HCN1: variants seen among roughly 807,000 people sequenced by gnomAD.
HCN1 encodes hyperpolarization activated cyclic nucleotide gated potassium channel 1, also known as potassium/sodium hyperpolarization-activated cyclic nucleotide-gated channel 1.
HCN1 carries 13 observed loss-of-function variants against 78.9 expected under a neutral mutation model. The ratio of observed to expected loss-of-function variants is 0.16; its 90% CI spans 0.11 to 0.26. The LOEUF is 0.26. Ranked by LOEUF, HCN1 falls within the 10% of genes least tolerant of loss-of-function variation. The pLI, the probability that HCN1 is intolerant of heterozygous loss-of-function variation, is 1.00. For missense variants in HCN1, 810 were observed against 1,154.3 expected, an observed-to-expected ratio of 0.70 and a Z score of 4.32; for synonymous variants, 552 against 455.5, an observed-to-expected ratio of 1.21 and a Z score of -2.70.
chr5:45,682,270 T>C (rs914410576), intron 1 of HCN1, among the ~76,000 whole-genome samples: 10 of 116,930 alleles, frequency 8.6e-5, no homozygotes, highest in African/African-American at 2.5e-4. Flanking sequence ...TATATATATA[T>C]ACATATATAT....
In HCN1 at chr5:45,577,453, C is replaced by G. The variant is rs185801673; in HGVS notation, c.849+67732G>C. ...ACATAAAACTAGTTTCACAAATTAT[C>G]ATGTATTCAATTTGAAAAGCATCTT... On this transcript the variant is annotated intron_variant, in intron 2 of 7. Transcript: ENST00000303230. Among the ~76,000 whole-genome samples, 42 of 152,118 alleles carry G rather than the reference C, an allele frequency of 2.8e-4. No homozygotes were observed. In the East Asian group the frequency reaches 5.8e-3, roughly 21 times the overall value.
rs188888561 is a variant in HCN1, at chr5:45,426,408, T to A, written c.1012-29698A>T. ...CAAATCTCACCTTGAATTGTAATAG[T>A]CCCCACATGTCATGGGAGGGACCTG... On this transcript the variant is annotated intron_variant, in intron 3 of 7. Transcript: ENST00000303230. Among the ~76,000 whole-genome samples, 276 of 152,286 alleles carry A rather than the reference T, an allele frequency of 1.8e-3. 1 individual carries two copies. The highest frequency in any genetic ancestry group is 6.4e-3 in the African/African-American group (265 of 41,552).
chr5:45,623,829 C>A, intron 2 of HCN1, among the ~76,000 whole-genome samples: 1 of 152,210 alleles, frequency 6.6e-6, no homozygotes, highest in East Asian at 1.9e-4. Context: ...AAATAGAACA[C>A]AGCAGGATGG....
At chr5:45,583,125 G>A (rs1293255725) in intron 2 of HCN1, among the ~76,000 whole-genome samples, 1 of 151,988 alleles carries the variant, frequency 6.6e-6, no homozygotes. Flanking sequence ...TGTACCTCTG[G>A]TAGAATTTGG....
In HCN1 at chr5:45,262,600, G is replaced by A; in HGVS notation, c.1994C>T (p.Pro665Leu). Residue 665 changes from proline (P) to leucine (L), a missense_variant, in exon 8 of 8, where the codon CCA becomes CTA. Pro to Leu is a moderately conservative substitution (Grantham distance 98, BLOSUM62 -3). Around this residue, in one of 6 missense-constraint regions of HCN1, gnomAD observed 398 missense variants for 381.3 expected, o/e 1.04. Coordinates refer to ENST00000303230, the MANE Select transcript of HCN1 (RefSeq NM_021072.4). The part of the protein sequence containing the change: ...TPTSRMRTQS[P>L]PVYTATSLSH... ...CAGGCTGGTCGCTGTGTACACCGGT[G>A]GAGATTGTGTCCTCATGCGGGAGGT... 6.2e-7 allele frequency: 1 copy of A among 1,613,990 alleles called. No individual in the cohort carries two copies. The highest frequency in any genetic ancestry group is 8.5e-7 in the Non-Finnish European group (1 of 1,180,020).
intron 2 of HCN1, among the ~76,000 whole-genome samples, chr5:45,464,527 T>C (rs1330005406): frequency 6.6e-6 from 1 of 152,134 alleles, no homozygotes; most frequent in Non-Finnish European, 1.5e-5. Flanking sequence ...TTTGGAGCTA[T>C]CCCAAAATTT....
At chr5:45,283,656 G>A (rs993187228) in intron 6 of HCN1, among the ~76,000 whole-genome samples, 1 of 152,116 alleles carries the variant, frequency 6.6e-6, no homozygotes, top group Non-Finnish European at 1.5e-5. Flanking sequence ...TGCAGGTGAG[G>A]TTGCAGAGAA....
At chr5:45,617,083 A>C (rs1261945473) in intron 2 of HCN1, among the ~76,000 whole-genome samples, 1 of 152,036 alleles carries the variant, frequency 6.6e-6, no homozygotes, top group Non-Finnish European at 1.5e-5. Context: ...ATTTTGAAAA[A>C]CAGAAAAACA....
chr5:45,368,108 C>T (rs966687907), intron 4 of HCN1, among the ~76,000 whole-genome samples: 1 of 151,958 alleles, frequency 6.6e-6, no homozygotes, highest in Non-Finnish European at 1.5e-5. Context: ...TCCTAACAAT[C>T]AATAAGATTT....
At chr5:45,364,621 A>G (rs928377853) in intron 4 of HCN1, among the ~76,000 whole-genome samples, 1 of 152,030 alleles carries the variant, frequency 6.6e-6, no homozygotes, top group African/African-American at 2.4e-5. Flanking sequence ...TTTTGGGTAC[A>G]CTCATGTCTC....
chr5:45,278,694 T>C (rs957590203), intron 6 of HCN1, among the ~76,000 whole-genome samples: 3 of 152,128 alleles, frequency 2.0e-5, no homozygotes, highest in African/African-American at 4.8e-5. Flanking sequence ...TGTTAATTGA[T>C]AGAGGTAGAA....
chr5:45,417,561 T>G (rs1295548001), intron 3 of HCN1, among the ~76,000 whole-genome samples: 1 of 151,808 alleles, frequency 6.6e-6, no homozygotes, highest in Admixed American at 6.6e-5. Context: ...AAGAATACAG[T>G]GTGATATTCT....
intron 3 of HCN1, among the ~76,000 whole-genome samples, chr5:45,455,190 G>A (rs899508951): frequency 1.1e-4 from 16 of 152,024 alleles, no homozygotes; most frequent in Admixed American, 3.9e-4. Flanking sequence ...GGCTTGCATG[G>A]CTTCATTTTC....
chr5:45,665,914 A>T (rs553136337), intron 1 of HCN1, among the ~76,000 whole-genome samples: 1 of 152,040 alleles, frequency 6.6e-6, no homozygotes, highest in African/African-American at 2.4e-5. Flanking sequence ...CTGATCAAGG[A>T]GCTTTAGACA....
chr5:45,403,900 C>T (rs1561142156), intron 3 of HCN1, among the ~76,000 whole-genome samples: 3 of 152,226 alleles, frequency 2.0e-5, no homozygotes, highest in South Asian at 4.1e-4. Flanking sequence ...AGAACCTAAG[C>T]GACTTGCCCA....
Position 45,645,167 on chromosome 5 carries a change from G to GA in HCN1, c.849+17dup. On this transcript the variant is annotated intron_variant, in intron 2 of 7. Transcript: ENST00000303230. ...AATTTCATGATATAGATTTAAAAAAGAAAAAGATGCATCTTACCTCTTCCC... is the reference window on the plus strand; with the variant it reads ...AATTTCATGATATAGATTTAAAAAAGAAAAAAGATGCATCTTACCTCTTCCC... 6.3e-7 allele frequency: 1 copy of GA among 1,575,588 alleles called. No individual in the cohort carries two copies. The highest frequency in any genetic ancestry group is 1.1e-5 in the South Asian group (1 of 89,650).
At chr5:45,563,239 C>T (rs939072272) in intron 2 of HCN1, among the ~76,000 whole-genome samples, 1 of 152,002 alleles carries the variant, frequency 6.6e-6, no homozygotes, top group African/African-American at 2.4e-5. Flanking sequence ...CACCTGAGGT[C>T]AGGAGTTCAA....
rs373161535 is a variant in HCN1 at position 45,666,619 on chromosome 5, A to G, written c.426-21011T>C. 6.6e-5 allele frequency among the ~76,000 whole-genome samples: 10 copies of G among 152,082 alleles called. No individual in the cohort carries two copies. In the East Asian group the frequency reaches 1.9e-3, roughly 29 times the overall value. ...ATTTTGTATTTTTGTATGTATGTGG[A>G]TAATTGTTTTTAAAGGTTTATTTCT... On this transcript the variant is annotated intron_variant, in intron 1 of 7. Coordinates refer to ENST00000303230, the MANE Select transcript of HCN1 (RefSeq NM_021072.4).
chr5:45,675,574 C>G (rs1746250969), intron 1 of HCN1, among the ~76,000 whole-genome samples: 1 of 151,794 alleles, frequency 6.6e-6, no homozygotes, highest in Non-Finnish European at 1.5e-5. Flanking sequence ...TCTTCAACAT[C>G]TGCCCCATTT....
Sources: gnomAD v4.1 joint callset for allele counts (sites outside exome capture counted in the v4.1 genomes callset) on GRCh38, gnomAD v4.1.1 for gene constraint, gnomAD v4.1.1 regional missense constraint, MANE v1.5 for transcripts, NCBI Gene and HGNC (gene_info 2026-07-23, HGNC 2026-07-21) for gene names.